Variants in CATSPERB observed in about 807,000 individuals in gnomAD.
CATSPERB encodes cation channel sperm-associated auxiliary subunit beta.
In CATSPERB, 93 loss-of-function variants were observed where a neutral mutation model predicts 128.3. That is an observed-to-expected ratio of 0.72 (90% confidence interval 0.61 to 0.86). The LOEUF (loss-of-function observed/expected upper bound fraction) is 0.86, where lower values mean the gene tolerates loss of function less well. Among genes scored for constraint, CATSPERB ranks in the 40% least tolerant of loss-of-function variants. The probability of loss-of-function intolerance (pLI) is 0.00; values close to 1 mark genes in which losing one functional copy is unlikely to be tolerated. For synonymous variants in CATSPERB, 381 were observed against 448.8 expected (o/e 0.85, Z 1.91); for missense variants, 1,153 against 1,329.5 (o/e 0.87, Z 2.06).
At position 91,602,692 on chromosome 14, in the gene CATSPERB, A is replaced by G. The variant is rs375718061; in HGVS notation, c.2709+5602T>C. On this transcript the variant is annotated intron_variant, in intron 22 of 26. Transcript: ENST00000256343. ...ATACTTATTCCTTATCAGAAATAAA[A>G]TATAAAACAAATCTGTCCAAATGTT... 6.3e-4 allele frequency among the ~76,000 whole-genome samples: 96 copies of G among 152,352 alleles called. 1 individual carries two copies. The highest frequency in any genetic ancestry group is 2.2e-3 in the African/African-American group (90 of 41,594).
At chr14:91,700,656 T>C (rs1381066450) in intron 7 of CATSPERB, among the ~76,000 whole-genome samples, 1 of 152,282 alleles carries the variant, frequency 6.6e-6, no homozygotes, top group Non-Finnish European at 1.5e-5. Flanking sequence ...ATAAAAAGAA[T>C]GAAATCATGT....
At chr14:91,701,215 A>G (rs1056855143) in intron 7 of CATSPERB, among the ~76,000 whole-genome samples, 1 of 152,146 alleles carries the variant, frequency 6.6e-6, no homozygotes, top group Non-Finnish European at 1.5e-5. Context: ...GCAACCAAGA[A>G]AAGTTAGAGG....
intron 5 of CATSPERB, among the ~76,000 whole-genome samples, chr14:91,714,263 C>A: frequency 8.1e-6 from 1 of 123,926 alleles, no homozygotes; most frequent in Non-Finnish European, 1.6e-5. Flanking sequence ...AGAGGTCCTA[C>A]CAGTACAATA....
chr14:91,671,026 A>T (rs939549426), intron 13 of CATSPERB, among the ~76,000 whole-genome samples: 2 of 152,146 alleles, frequency 1.3e-5, no homozygotes, highest in Non-Finnish European at 2.9e-5. Context: ...CTTTTATATA[A>T]GGATAATTTT....
At chr14:91,693,274 AAAGT>A in intron 8 of CATSPERB, 30 bp from the exon 9 acceptor site, 1 of 1,576,114 alleles carries the variant, frequency 6.3e-7, no homozygotes. Flanking sequence ...CATGGATTAA[AAAGT>A]AAGAAAAAAG....
intron 11 of CATSPERB, among the ~76,000 whole-genome samples, chr14:91,680,332 G>A (rs1268247711): frequency 6.6e-6 from 1 of 152,102 alleles, no homozygotes; most frequent in Admixed American, 6.6e-5. Context: ...GATATTATAA[G>A]GGCTGGTTTT....
chr14:91,683,884 G>A lies in CATSPERB; in HGVS notation c.924C>T (p.His308=). The change falls in exon 11 of 27, where the codon CAC becomes CAT. Residue 308 remains histidine (H), a synonymous_variant. Coordinates refer to ENST00000256343, the MANE Select transcript of CATSPERB (RefSeq NM_024764.4). ...TCTTTAACCAAAATTTACCTTCAAA[G>A]TGCTCTCTGTTAGCAAAACATCTTT... ...YNERCFANRE[H]FEVDYVTVTF... is the part of the protein sequence containing the mutation. 6.2e-7 allele frequency: 1 copy of A among 1,602,356 alleles called. No homozygotes were observed. The highest frequency in any genetic ancestry group is 8.5e-7 in the Non-Finnish European group (1 of 1,174,216).
At chr14:91,624,510 A>G (rs756076407) in intron 18 of CATSPERB, among the ~76,000 whole-genome samples, 4 of 152,070 alleles carry the variant, frequency 2.6e-5, no homozygotes, top group Non-Finnish European at 4.4e-5. Context: ...GTGTGGTGGC[A>G]CATGCCTGTA....
In CATSPERB at chr14:91,691,763, T is replaced by C. The variant is rs113407191; in HGVS notation, c.832-208A>G. ...TATAGTTTATACAATATCCAGGGAATTTCCCCATCAGTCTTTGCCTCATTT... is the reference window on the plus strand; with the variant it reads ...TATAGTTTATACAATATCCAGGGAACTTCCCCATCAGTCTTTGCCTCATTT... On this transcript the variant is annotated intron_variant, in intron 9 of 26. Coordinates refer to ENST00000256343, the MANE Select transcript of CATSPERB (RefSeq NM_024764.4). Among the ~76,000 whole-genome samples, 1,100 of 152,320 alleles carry C rather than the reference T, an allele frequency of 7.2e-3. 17 individuals are homozygous for C. Among genetic ancestry groups the C allele is most frequent in the African/African-American group, 0.025 (1,043 of 41,564 alleles).
intron 2 of CATSPERB, among the ~76,000 whole-genome samples, chr14:91,725,735 C>T (rs17565434): frequency 0.2 from 30,163 of 152,010 alleles, 3,644 homozygotes; most frequent in South Asian, 0.41. Context: ...GAGATGGGTA[C>T]GTTAATGACA....
chr14:91,604,912 G>A, intron 22 of CATSPERB: 1 of 1,234,042 alleles, frequency 8.1e-7, no homozygotes, highest in Non-Finnish European at 1.2e-6. Flanking sequence ...TAACCTGTTT[G>A]TAGCTGAGGT....
chr14:91,600,212 C>T (rs1432836467), intron 22 of CATSPERB, among the ~76,000 whole-genome samples: 2 of 152,130 alleles, frequency 1.3e-5, no homozygotes, highest in African/African-American at 4.8e-5. Flanking sequence ...ACAGCTGCAC[C>T]ATTTTGCATT....
intron 17 of CATSPERB, among the ~76,000 whole-genome samples, chr14:91,630,752 C>T (rs1342027926): frequency 6.6e-6 from 1 of 152,184 alleles, no homozygotes; most frequent in African/African-American, 2.4e-5. Flanking sequence ...TCACAGCAAT[C>T]AGAGTGATCC....
At chr14:91,655,486 G>T (rs1894771466) in intron 15 of CATSPERB, among the ~76,000 whole-genome samples, 1 of 152,140 alleles carries the variant, frequency 6.6e-6, no homozygotes, top group Non-Finnish European at 1.5e-5. Flanking sequence ...TTAGCAAAGA[G>T]ATTGAAACAA....
intron 11 of CATSPERB, among the ~76,000 whole-genome samples, chr14:91,679,996 C>G (rs187182054): frequency 1.3e-3 from 192 of 152,252 alleles, no homozygotes; most frequent in Admixed American, 1.8e-3. Flanking sequence ...TCAAGTCAAC[C>G]AAAGCCTCAT....
intron 2 of CATSPERB, among the ~76,000 whole-genome samples, chr14:91,725,720 A>C (rs1031527032): frequency 2.6e-5 from 4 of 152,178 alleles, no homozygotes; most frequent in African/African-American, 9.7e-5. Flanking sequence ...CGGTTTGTTG[A>C]GAAAGAGATG....
intron 14 of CATSPERB, among the ~76,000 whole-genome samples, chr14:91,667,348 G>C (rs1447219274): frequency 6.6e-6 from 1 of 151,980 alleles, no homozygotes; most frequent in Non-Finnish European, 1.5e-5. Flanking sequence ...GTCTGGCAGA[G>C]GCAGGGAAAT....
chr14:91,647,505 T>C (rs1743120), intron 15 of CATSPERB, among the ~76,000 whole-genome samples: 120,264 of 152,170 alleles, frequency 0.79, 47,694 homozygotes, highest in East Asian at 0.92. Context: ...AAGACATACC[T>C]GAGACTGGGT....
intron 2 of CATSPERB, among the ~76,000 whole-genome samples, 194 bp downstream of exon 2, chr14:91,729,207 T>C (rs911310481): frequency 6.6e-5 from 10 of 152,220 alleles, no homozygotes; most frequent in South Asian, 2.1e-4. Context: ...GGCGTGGTGG[T>C]GGGCACCTGT....
Sources: gnomAD v4.1 joint callset for allele counts (sites outside exome capture counted in the v4.1 genomes callset) on GRCh38, gnomAD v4.1.1 for gene constraint, MANE v1.5 for transcripts, NCBI Gene and HGNC (gene_info 2026-07-23, HGNC 2026-07-21) for gene names.